The following CCDC18 variants were observed in gnomAD, a reference collection of about 807,000 sequenced individuals.
The protein encoded by CCDC18 is coiled-coil domain containing 18.
In CCDC18, 157 loss-of-function variants were observed where a neutral mutation model predicts 196.0. That is an observed-to-expected ratio of 0.80 (90% confidence interval 0.70 to 0.91). The LOEUF (loss-of-function observed/expected upper bound fraction) is 0.91, where lower values mean the gene tolerates loss of function less well. Among genes scored for constraint, CCDC18 ranks in the 40% least tolerant of loss-of-function variants. The pLI, the probability that CCDC18 is intolerant of heterozygous loss-of-function variation, is 0.00. For synonymous variants in CCDC18, 482 were observed against 529.2 expected (o/e 0.91, Z 1.22); for missense variants, 1,465 against 1,611.6 (o/e 0.91, Z 1.56).
rs968136692 is a variant in CCDC18 at position 93,270,535 on chromosome 1, T to A, written c.4074T>A (p.Ser1358Arg). Residue 1358 changes from serine (S) to arginine (R), a missense_variant, in exon 28 of 29, where the codon AGT becomes AGA. By Grantham distance (110) the Ser-to-Arg change is moderately radical. Coordinates refer to ENST00000690025, the MANE Select transcript of CCDC18 (RefSeq NM_001378204.1). The part of the protein sequence containing the change: ...CTKLRRSISA[S>R]DLTFKIHGDE... ...AATTACGTCGCTCTATTAGTGCCAG[T>A]GATCTTACTTTCAAAATTCATGGTG... The A allele has an allele frequency of 1.6e-5, 25 of 1,550,322 alleles. No individual in the cohort carries two copies. The highest frequency in any genetic ancestry group is 2.1e-5 in the Non-Finnish European group (24 of 1,146,904).
intron 28 of CCDC18, among the ~76,000 whole-genome samples, chr1:93,273,870 T>A (rs1394340444): frequency 6.6e-6 from 1 of 152,150 alleles, no homozygotes; most frequent in African/African-American, 2.4e-5. Flanking sequence ...ATCCTTTACA[T>A]AAATTAACTC....
At chr1:93,192,185 C>T (rs1338302708) in intron 5 of CCDC18, 79 bp downstream of exon 5, 1 of 944,518 alleles carries the variant, frequency 1.1e-6, no homozygotes, top group Non-Finnish European at 1.6e-6. Flanking sequence ...TCTTGTTCCC[C>T]ACACCCAATA....
intron 25 of CCDC18, 70 bp from the exon 26 acceptor site, chr1:93,258,678 C>A: frequency 8.1e-7 from 1 of 1,234,828 alleles, no homozygotes; most frequent in Non-Finnish European, 1.1e-6. Context: ...CAATAATGCA[C>A]TGGATTAGTT....
chr1:93,255,197 T>C (rs191237964), intron 24 of CCDC18, among the ~76,000 whole-genome samples: 32 of 152,212 alleles, frequency 2.1e-4, no homozygotes, highest in African/African-American at 7.2e-4. Context: ...GTGATCCACC[T>C]GCCTTGGCCT....
intron 1 of CCDC18, among the ~76,000 whole-genome samples, chr1:93,181,459 G>T (rs991610396): frequency 6.6e-6 from 1 of 152,142 alleles, no homozygotes; most frequent in Non-Finnish European, 1.5e-5. Context: ...AGGATGATGT[G>T]CTTTTCTAGG....
intron 18 of CCDC18, among the ~76,000 whole-genome samples, chr1:93,233,349 C>T (rs1262187550): frequency 6.6e-6 from 1 of 152,040 alleles, no homozygotes; most frequent in Non-Finnish European, 1.5e-5. Flanking sequence ...AATCTTTTTC[C>T]TTTAATTCAT....
At chr1:93,269,680 TA>T (rs1489315707) in intron 27 of CCDC18, 1 of 152,150 alleles carries the variant, frequency 6.6e-6, no homozygotes, top group African/African-American at 2.4e-5. Context: ...CTACTATACT[TA>T]CATTATTAAG....
intron 6 of CCDC18, among the ~76,000 whole-genome samples, chr1:93,196,621 T>G (rs535584209): frequency 1.3e-5 from 2 of 152,344 alleles, no homozygotes; most frequent in Admixed American, 6.5e-5. Flanking sequence ...GGAAAATTCT[T>G]TATACATTTA....
chr1:93,190,246 T>C (rs2101610035), intron 4 of CCDC18, among the ~76,000 whole-genome samples: 1 of 152,332 alleles, frequency 6.6e-6, no homozygotes. Flanking sequence ...TTCCAGAACT[T>C]TGGGAATCTG....
At chr1:93,197,973 A>G (rs541965963) in intron 6 of CCDC18, among the ~76,000 whole-genome samples, 14 of 151,326 alleles carry the variant, frequency 9.3e-5, no homozygotes, top group South Asian at 2.1e-4. Context: ...GGATGATCTC[A>G]ATCTCCTGAC....
chr1:93,193,594 CA>C (rs781463639), intron 5 of CCDC18, 21 bp from the exon 6 acceptor site: 4 of 1,523,042 alleles, frequency 2.6e-6, no homozygotes, highest in African/African-American at 1.4e-5. Flanking sequence ...TAGTCTTAAA[CA>C]AAGTATCCTT....
intron 17 of CCDC18, 38 bp from the exon 18 acceptor site, chr1:93,232,386 CAT>C (rs751908501): frequency 6.2e-5 from 75 of 1,219,510 alleles, no homozygotes; most frequent in Middle Eastern, 4.3e-4. Flanking sequence ...TTATTTGAAA[CAT>C]TGCATTGTAT....
At chr1:93,198,349 C>T (rs1032923432) in intron 6 of CCDC18, among the ~76,000 whole-genome samples, 2 of 152,112 alleles carry the variant, frequency 1.3e-5, no homozygotes, top group Non-Finnish European at 2.9e-5. Flanking sequence ...ATATAATGCT[C>T]AGCAGAAGAA....
intron 6 of CCDC18, among the ~76,000 whole-genome samples, chr1:93,201,334 G>A (rs1371284784): frequency 6.6e-6 from 1 of 152,140 alleles, no homozygotes; most frequent in Admixed American, 6.5e-5. Flanking sequence ...TCATTTCATT[G>A]CAAGAAGCAT....
intron 12 of CCDC18, among the ~76,000 whole-genome samples, chr1:93,216,099 T>A (rs915412457): frequency 3.3e-5 from 5 of 152,264 alleles, no homozygotes; most frequent in Non-Finnish European, 4.4e-5. Context: ...ATGTTAATAA[T>A]GAAGATGGAG....
chr1:93,264,533 C>T, intron 26 of CCDC18, 168 bp from the exon 27 acceptor site: 1 of 483,994 alleles, frequency 2.1e-6, no homozygotes, highest in Non-Finnish European at 3.7e-6. Context: ...TTCCTTTGTT[C>T]CCTTTTTCCT....
intron 18 of CCDC18, among the ~76,000 whole-genome samples, chr1:93,234,047 C>G (rs761537490): frequency 2.6e-5 from 4 of 152,218 alleles, no homozygotes; most frequent in Non-Finnish European, 5.9e-5. Context: ...CATCCTTTGT[C>G]ATTGACTCTG....
rs775269081 is a variant in CCDC18 at position 93,192,057 on chromosome 1, C to A, written c.520C>A (p.Gln174Lys). 6.2e-7 allele frequency: 1 copy of A among 1,613,826 alleles called. No homozygotes were observed. The highest frequency in any genetic ancestry group is 2.2e-5 in the East Asian group (1 of 44,848). ...QAASVPILEE[Q>K]IINLEAEVSA... is the part of the protein sequence containing the mutation. ...AGCCAGTGTCCCAATCTTAGAAGAA[C>A]AGATTATAAATTTGGAAGCAGAGGT... The change falls in exon 5 of 29, where the codon CAG (glutamine) becomes AAG (lysine). Residue 174 changes from glutamine to lysine, a missense_variant. Transcript: ENST00000690025.
intron 14 of CCDC18, among the ~76,000 whole-genome samples, chr1:93,220,892 G>A (rs949894035): frequency 6.6e-6 from 1 of 152,074 alleles, no homozygotes; most frequent in Non-Finnish European, 1.5e-5. Flanking sequence ...TTGGTTTTCT[G>A]TTCCTGTGTT....
Sources: gnomAD v4.1 joint callset for allele counts (sites outside exome capture counted in the v4.1 genomes callset) on GRCh38, gnomAD v4.1.1 for gene constraint, MANE v1.5 for transcripts, NCBI Gene and HGNC (gene_info 2026-07-23, HGNC 2026-07-21) for gene names.